Variants in A2M observed in about 807,000 individuals in gnomAD.
The protein encoded by A2M is alpha-2-macroglobulin, also known as C3 and PZP-like alpha-2-macroglobulin domain-containing protein 5.
Under a neutral mutation model 183.9 loss-of-function variants are expected in A2M, and 128 were observed. The ratio of observed to expected loss-of-function variants is 0.70; its 90% CI spans 0.60 to 0.81. The LOEUF is 0.81. Among genes scored for constraint, A2M ranks in the 30% least tolerant of loss-of-function variants. The pLI is 0.00. For missense variants in A2M, 1,495 were observed against 1,787.6 expected (o/e 0.84, Z 2.95); for synonymous variants, 592 against 670.8 (o/e 0.88, Z 1.81).
At chr12:9,090,571 G>C in intron 19 of A2M, 89 bp from the exon 20 acceptor site, 1 of 1,416,814 alleles carries the variant, frequency 7.1e-7, no homozygotes, top group East Asian at 2.3e-5. Context: ...GAATTGGTTA[G>C]ATTTCAGGTT....
rs779040020 is a variant in A2M at position 9,095,581 on chromosome 12, T to G, written c.1971A>C (p.Pro657=). 6.2e-7 allele frequency: 1 copy of G among 1,612,206 alleles called. No individual in the cohort carries two copies. The highest frequency in any genetic ancestry group is 1.3e-5 in the African/African-American group (1 of 74,870). ...NVYINGITYT[P]VSSTNEKDMY... ...TATCCTTTTCATTTGTACTTGATAC[T>G]GGAGTATATGTGATTCCATTAATAT... Residue 657 remains proline, a synonymous_variant, in exon 16 of 36, where the codon CCA becomes CCC. Coordinates refer to ENST00000318602, the MANE Select transcript of A2M (RefSeq NM_000014.6).
At chr12:9,076,654 G>T (rs1435372345) in intron 28 of A2M, 102 bp downstream of exon 28, 1 of 1,035,900 alleles carries the variant, frequency 9.7e-7, no homozygotes, top group Non-Finnish European at 1.4e-6. Flanking sequence ...TAGAAAAGAA[G>T]AGAGGAGACA....
At chr12:9,104,491 A>G (rs1938134310) in intron 10 of A2M, 91 bp from the exon 11 acceptor site, 12 of 1,342,112 alleles carry the variant, frequency 8.9e-6, no homozygotes, top group African/African-American at 1.5e-5. Context: ...TGCCTCCTCT[A>G]TGTTGAACAT....
In A2M at chr12:9,079,873, C is replaced by T. The variant is rs1382240783; in HGVS notation, c.2855-58G>A. 2.1e-6 allele frequency: 3 copies of T among 1,416,706 alleles called. No individual in the cohort carries two copies. In the Admixed American group the frequency reaches 8.1e-5, roughly 38 times the overall value. 87.8% of individuals were successfully genotyped at this position (1,416,706 alleles called of 1,614,324 possible). A position where few individuals can be genotyped will look rare whatever the true frequency, so the allele number is the denominator to read the frequency against. The stretch of plus-strand genomic sequence containing the variant: ...CTTGGAGATTATCATCTATCAAAGT[C>T]ATTAAGCAGAAATAATTAGTTGAGC... On this transcript the variant is annotated intron_variant, in intron 23 of 35. Coordinates refer to ENST00000318602, the MANE Select transcript of A2M (RefSeq NM_000014.6).
intron 12 of A2M, 104 bp from the exon 13 acceptor site, chr12:9,101,311 C>A: frequency 7.3e-7 from 1 of 1,375,366 alleles, no homozygotes; most frequent in Non-Finnish European, 1.0e-6. Flanking sequence ...CAATAATTCA[C>A]CTCAAGAGAA....
chr12:9,072,312 A>T, intron 31 of A2M, 47 bp downstream of exon 31: 1 of 1,599,088 alleles, frequency 6.3e-7, no homozygotes, highest in Non-Finnish European at 8.5e-7. Flanking sequence ...CCGAAAGAAG[A>T]CTGGTGGTTA....
At chr12:9,107,753 C>T in intron 7 of A2M, 109 bp from the exon 8 acceptor site, 2 of 1,267,958 alleles carry the variant, frequency 1.6e-6, no homozygotes, top group Non-Finnish European at 1.1e-6. Context: ...CTGTACTTCC[C>T]TCTGCTCTCT....
chr12:9,084,486 C>G (rs986473307), intron 22 of A2M, among the ~76,000 whole-genome samples: 5 of 151,998 alleles, frequency 3.3e-5, no homozygotes, highest in Non-Finnish European at 5.9e-5. Context: ...TTGTTATCAG[C>G]TTGAAATTGA....
Position 9,102,418 on chromosome 12 carries a change from G to A in A2M, c.1267-744C>T, listed in dbSNP as rs150969096. ...TTTTGTAGAGACAGGGTTTCACCAC[G>A]TTGCCTAGGCTCGTCTCGATCTCCT... is the stretch of plus-strand genomic sequence containing the variant. On this transcript the variant is annotated intron_variant, in intron 11 of 35. Transcript: ENST00000318602. 1.0e-3 allele frequency among the ~76,000 whole-genome samples: 159 copies of A among 152,156 alleles called. 1 individual carries two copies. Among genetic ancestry groups the A allele is most frequent in the African/African-American group, 3.7e-3 (152 of 41,510 alleles).
chr12:9,069,764 A>T lies in A2M; in HGVS notation c.4244T>A (p.Val1415Asp). The part of the protein sequence containing the change: ...VSRTEVSSNH[V>D]LIYLDKVSNQ... ...TCTTACCTTATCAAGGTAAATCAAG[A>T]CATGGTTGCTGCTGACTTCTGTCCG... The change falls in exon 33 of 36, where the codon GTC becomes GAC. Residue 1415 changes from valine (V) to aspartate (D), a missense_variant. Transcript: ENST00000318602. 1 of 1,612,906 alleles carries T rather than the reference A, an allele frequency of 6.2e-7. No individual in the cohort carries two copies. Among genetic ancestry groups the T allele is most frequent in the Non-Finnish European group, 8.5e-7 (1 of 1,179,320 alleles).
Position 9,110,298 on chromosome 12 carries a change from G to T in A2M, c.504+16C>A. The T allele has an allele frequency of 6.8e-7, 1 of 1,465,316 alleles. No homozygotes were observed. The highest frequency in any genetic ancestry group is 9.3e-7 in the Non-Finnish European group (1 of 1,080,340). 90.8% of individuals were successfully genotyped at this position (1,465,316 alleles called of 1,614,324 possible). ...TATTGCTTTCCTTTTAATATGGAAT[G>T]TTTCATGTTGCTTACCTGAATGTAT... On this transcript the variant is annotated intron_variant, in intron 5 of 35. Transcript: ENST00000318602.
intron 15 of A2M, among the ~76,000 whole-genome samples, chr12:9,096,259 C>T (rs1949378294): frequency 6.6e-6 from 1 of 152,194 alleles, no homozygotes; most frequent in Non-Finnish European, 1.5e-5. Flanking sequence ...CTAAGTACTA[C>T]TTCGTTACAC....
intron 16 of A2M, among the ~76,000 whole-genome samples, chr12:9,095,313 A>T (rs1275052151): frequency 1.3e-5 from 2 of 152,238 alleles, no homozygotes; most frequent in Non-Finnish European, 2.9e-5. Flanking sequence ...AACATCACAG[A>T]GCAATTAATT....
At chr12:9,094,482 CA>C (rs1368515669) in intron 17 of A2M, among the ~76,000 whole-genome samples, 1 of 144,512 alleles carries the variant, frequency 6.9e-6, no homozygotes. Context: ...TCCATAGAGC[CA>C]ACTGATTCTC....
rs1353098915 is a variant in A2M at position 9,090,481 on chromosome 12, A to C, written c.2471T>G (p.Val824Gly). The C allele has an allele frequency of 1.2e-6, 2 of 1,613,568 alleles. No individual in the cohort carries two copies. Among genetic ancestry groups the C allele is most frequent in the African/African-American group, 1.3e-5 (1 of 74,920 alleles). The change falls in exon 20 of 36, where the codon GTC becomes GGC. Residue 824 changes from valine to glycine, a missense_variant and splice_region_variant. Coordinates refer to ENST00000318602, the MANE Select transcript of A2M (RefSeq NM_000014.6). ...VLNYLPKCIR[V>G]SVQLEASPAF... ...GGGAGAGGCTTCCAGCTGCACACTG[A>C]CCTGAAACCACACATAAGAAAGGGA...
At position 9,089,891 on chromosome 12, in the gene A2M, G is replaced by A. The variant is rs372074378; in HGVS notation, c.2718+11C>T. On this transcript the variant is annotated intron_variant, in intron 21 of 35. Transcript: ENST00000318602. ...ATTATTGTGGACTATATATTATTTA[G>A]GTTTACTTACTTCAACCAACAGAGG... The A allele has an allele frequency of 1.2e-6, 2 of 1,602,024 alleles. No individual in the cohort carries two copies. The highest frequency in any genetic ancestry group is 1.7e-6 in the Non-Finnish European group (2 of 1,171,674).
At chr12:9,073,547 T>G (rs1208816669) in intron 29 of A2M, among the ~76,000 whole-genome samples, 1 of 152,200 alleles carries the variant, frequency 6.6e-6, no homozygotes, top group Non-Finnish European at 1.5e-5. Flanking sequence ...TTTAACAAAA[T>G]TACTTAGTTT....
At chr12:9,070,452 A>G (rs1366581878) in intron 32 of A2M, 36 bp downstream of exon 32, 1 of 1,418,998 alleles carries the variant, frequency 7.0e-7, no homozygotes, top group Admixed American at 1.7e-5. Flanking sequence ...ACATCATTAA[A>G]TAAAATAGGG....
rs1453513884 is a variant in A2M at position 9,079,629 on chromosome 12, A to AT, written c.3031+9_3031+10insA. 3 of 1,607,820 alleles carry AT rather than the reference A, an allele frequency of 1.9e-6. No individual in the cohort carries two copies. In the South Asian group the frequency reaches 3.3e-5, roughly 18 times the overall value. On this transcript the variant is annotated intron_variant, in intron 24 of 35. Transcript: ENST00000318602. Reference sequence around the variant, plus strand: ...CATTCAAGTTTTCCCTTACTCAAGTAATCACTCACCAGTGTTGAGATAGCC... The same window carrying AT: ...CATTCAAGTTTTCCCTTACTCAAGTATATCACTCACCAGTGTTGAGATAGCC...
Sources: allele counts gnomAD v4.1 joint callset (sites outside exome capture counted in the v4.1 genomes callset), GRCh38; gene constraint gnomAD v4.1.1; transcripts MANE v1.5; gene names NCBI Gene and HGNC (gene_info 2026-07-23, HGNC 2026-07-21).